The following RNF169 variants were observed in gnomAD, a reference collection of about 807,000 sequenced individuals.
RNF169 encodes the protein ring finger protein 169.
RNF169 carries 24 observed loss-of-function variants against 53.9 expected under a neutral mutation model. The ratio of observed to expected loss-of-function variants is 0.45; its 90% CI spans 0.32 to 0.63. The LOEUF (loss-of-function observed/expected upper bound fraction) is 0.63. RNF169 is among the 20% of genes least tolerant of loss of function. RNF169 has a pLI of 0.04. For missense variants in RNF169, 883 were observed against 906.2 expected (o/e 0.97, Z 0.33); for synonymous variants, 396 against 363.5 (o/e 1.09, Z -1.02).
chr11:74,806,514 A>C (rs1361307914), intron 2 of RNF169, among the ~76,000 whole-genome samples: 1 of 152,182 alleles, frequency 6.6e-6, no homozygotes, highest in Non-Finnish European at 1.5e-5. Context: ...TATTTTTGGC[A>C]CTCAATTTAT....
chr11:74,799,173 GC>G (rs2035694356), intron 2 of RNF169, among the ~76,000 whole-genome samples: 1 of 148,278 alleles, frequency 6.7e-6, no homozygotes, highest in Non-Finnish European at 1.5e-5. Context: ...TTTAGCATGT[GC>G]TAGCATATCT....
intron 1 of RNF169, among the ~76,000 whole-genome samples, chr11:74,762,151 C>T (rs990367524): frequency 1.3e-5 from 2 of 150,398 alleles, no homozygotes; most frequent in African/African-American, 4.9e-5. Flanking sequence ...GTTTTCAGCT[C>T]CATCAGCTCC....
intron 2 of RNF169, among the ~76,000 whole-genome samples, chr11:74,795,000 C>T (rs2035626831): frequency 6.6e-6 from 1 of 152,074 alleles, no homozygotes. Context: ...AGATGAGGGT[C>T]TTGCTGTGTT....
chr11:74,806,654 A>C (rs1253328764), intron 2 of RNF169, among the ~76,000 whole-genome samples: 1 of 152,254 alleles, frequency 6.6e-6, no homozygotes, highest in South Asian at 2.1e-4. Context: ...GCATGGATGA[A>C]TATCACAAAT....
At chr11:74,792,262 T>TA (rs2135087822) in intron 2 of RNF169, among the ~76,000 whole-genome samples, 1 of 152,326 alleles carries the variant, frequency 6.6e-6, no homozygotes, top group South Asian at 2.1e-4. Context: ...AATGTACACA[T>TA]ACAATATTTA....
intron 1 of RNF169, among the ~76,000 whole-genome samples, chr11:74,774,838 A>T (rs2035309846): frequency 6.6e-6 from 1 of 152,160 alleles, no homozygotes; most frequent in Non-Finnish European, 1.5e-5. Context: ...ACATGCCTGT[A>T]ATCGTAGCTA....
chr11:74,756,788 A>G (rs2034990407), intron 1 of RNF169, among the ~76,000 whole-genome samples: 1 of 152,188 alleles, frequency 6.6e-6, no homozygotes, highest in Non-Finnish European at 1.5e-5. Context: ...CAGTTGCTGA[A>G]TAATAGTGGA....
At chr11:74,835,438 C>T in intron 5 of RNF169, 108 bp from the exon 6 acceptor site, 1 of 789,700 alleles carries the variant, frequency 1.3e-6, no homozygotes, top group Non-Finnish European at 2.1e-6. Context: ...ACCCTTCATC[C>T]CTTTTCTTGT....
intron 3 of RNF169, 47 bp downstream of exon 3, chr11:74,810,377 G>A (rs961671140): frequency 1.9e-6 from 3 of 1,582,500 alleles, no homozygotes; most frequent in African/African-American, 2.7e-5. Flanking sequence ...AAAATCAGTG[G>A]TTAGCCCAGG....
At chr11:74,758,213 A>G (rs1258102790) in intron 1 of RNF169, among the ~76,000 whole-genome samples, 2 of 111,118 alleles carry the variant, frequency 1.8e-5, no homozygotes, top group Admixed American at 9.9e-5. Flanking sequence ...AGCTTTCTAC[A>G]TATGGCTAGC....
chr11:74,795,591 T>C (rs57031821), intron 2 of RNF169, among the ~76,000 whole-genome samples: 6,283 of 152,318 alleles, frequency 0.041, 136 homozygotes, highest in African/African-American at 0.058. Flanking sequence ...CTGGGCACAT[T>C]GGCTCATGGC....
Position 74,840,713 on chromosome 11 carries a change from A to G in RNF169, c.*3983A>G, listed in dbSNP as rs566622280. On this transcript the variant is annotated 3_prime_UTR_variant, in exon 6 of 6. Transcript: ENST00000299563. ...GAAAAGAGAACAAAGGCTGGGTCAC[A>G]GTCATAGAATGTTACAGCTGGAATG... 1 of 152,104 alleles carries G rather than the reference A, an allele frequency of 6.6e-6. No homozygotes were observed. Among genetic ancestry groups the G allele is most frequent in the Admixed American group, 6.5e-5 (1 of 15,274 alleles). The allele number at this position is 152,104 out of a possible 1,614,324, so 9.4% of individuals were successfully genotyped here. A position where few individuals can be genotyped will look rare whatever the true frequency, so the allele number is the denominator to read the frequency against.
chr11:74,836,012 A>G lies in RNF169; in HGVS notation c.1409A>G (p.His470Arg), dbSNP rs984812507. The G allele has an allele frequency of 6.2e-7, 1 of 1,614,180 alleles. No homozygotes were observed. The highest frequency in any genetic ancestry group is 8.5e-7 in the Non-Finnish European group (1 of 1,180,036). ...GAGTTACTAGGCTCTGAAGGTATCC[A>G]TTCTAGCAAGGAGAAGCCACTTGTG... ...GEELLGSEGI[H>R]SSKEKPLVAV... The change falls in exon 6 of 6, where the codon CAT becomes CGT. Residue 470 changes from histidine (H) to arginine (R), a missense_variant. Physicochemically the swap from His to Arg is conservative, Grantham distance 29. Transcript: ENST00000299563.
At position 74,760,449 on chromosome 11, in the gene RNF169, G is replaced by A. The variant is rs940366321; in HGVS notation, c.502+11067G>A. On this transcript the variant is annotated intron_variant, in intron 1 of 5. Coordinates refer to ENST00000299563, the MANE Select transcript of RNF169 (RefSeq NM_001098638.2). ...TCCTGCTTTCTCTTGTGGGCATTCA[G>A]TGCTATAAATTTCCCTCTACAAACT... 6.8e-4 allele frequency among the ~76,000 whole-genome samples: 103 copies of A among 152,212 alleles called. 1 individual carries two copies. The highest frequency in any genetic ancestry group is 2.3e-3 in the African/African-American group (96 of 41,520).
chr11:74,815,184 G>A (rs2135124265), intron 3 of RNF169, among the ~76,000 whole-genome samples: 1 of 152,254 alleles, frequency 6.6e-6, no homozygotes, highest in East Asian at 1.9e-4. Context: ...ATTGGGAATA[G>A]AAATGTAGAG....
rs2036261693 is a variant in RNF169, at chr11:74,836,638, A to G, written c.2035A>G (p.Met679Val). 5 of 1,613,968 alleles carry G rather than the reference A, an allele frequency of 3.1e-6. No individual in the cohort carries two copies. The highest frequency in any genetic ancestry group is 2.7e-5 in the African/African-American group (2 of 74,934). ...DRQLALQLQR[M>V]FDNERRTVSR... is the part of the protein sequence containing the mutation. ...ACAGTTGGCTCTGCAGTTGCAGCGC[A>G]TGTTCGACAATGAGAGGCGGACTGT... Residue 679 changes from methionine (M) to valine (V), a missense_variant, in exon 6 of 6, where the codon ATG becomes GTG. This residue lies in a region of RNF169 where 351 missense variants were observed against 337.3 expected (regional missense o/e 1.04). Transcript: ENST00000299563.
chr11:74,829,476 G>C (rs533271844), intron 4 of RNF169, among the ~76,000 whole-genome samples: 2 of 152,236 alleles, frequency 1.3e-5, no homozygotes, highest in South Asian at 4.1e-4. Flanking sequence ...ATTTGACCCA[G>C]CAATCTCATT....
intron 2 of RNF169, among the ~76,000 whole-genome samples, chr11:74,797,000 G>A (rs949764652): frequency 2.6e-5 from 4 of 152,104 alleles, no homozygotes; most frequent in East Asian, 3.8e-4. Flanking sequence ...CTACAGGCAC[G>A]TACCACCTTC....
At chr11:74,766,738 T>C (rs990899286) in intron 1 of RNF169, among the ~76,000 whole-genome samples, 5 of 152,198 alleles carry the variant, frequency 3.3e-5, no homozygotes. Context: ...TCTAATAATA[T>C]ATTTGAAACT....
Sources: gnomAD v4.1 joint callset for allele counts (sites outside exome capture counted in the v4.1 genomes callset) on GRCh38, gnomAD v4.1.1 for gene constraint, gnomAD v4.1.1 regional missense constraint, MANE v1.5 for transcripts, NCBI Gene and HGNC (gene_info 2026-07-23, HGNC 2026-07-21) for gene names.